The following ZNF277 variants were observed in gnomAD, a reference collection of about 807,000 sequenced individuals.
ZNF277 encodes the protein zinc finger protein 277.
A neutral mutation model predicts 60.7 loss-of-function variants in ZNF277; 55 were observed. That is an observed-to-expected ratio of 0.91 (90% confidence interval 0.73 to 1.13). The LOEUF is 1.13. Among genes scored for constraint, ZNF277 ranks in the 50% most tolerant of loss-of-function variants. ZNF277 has a pLI of 0.00. For missense variants in ZNF277, 510 were observed against 523.0 expected (o/e 0.98, Z 0.24); for synonymous variants, 178 against 179.3 (o/e 0.99, Z 0.06).
chr7:112,217,124 G>T (rs548414658), intron 1 of ZNF277, among the ~76,000 whole-genome samples: 56 of 152,318 alleles, frequency 3.7e-4, no homozygotes, highest in African/African-American at 1.3e-3. Flanking sequence ...AGGATCTTAT[G>T]ACCTAATAGG....
chr7:112,242,959 C>G (rs975504416), intron 1 of ZNF277, among the ~76,000 whole-genome samples: 1 of 151,952 alleles, frequency 6.6e-6, no homozygotes, highest in Non-Finnish European at 1.5e-5. Flanking sequence ...AAGAATGGTA[C>G]TGGTATAAAA....
At chr7:112,325,968 A>G (rs1793083044) in intron 5 of ZNF277, among the ~76,000 whole-genome samples, 1 of 152,138 alleles carries the variant, frequency 6.6e-6, no homozygotes, top group African/African-American at 2.4e-5. Flanking sequence ...AGACTGGCCA[A>G]GCCTCCAAAC....
intron 1 of ZNF277, among the ~76,000 whole-genome samples, chr7:112,246,646 G>C (rs563611851): frequency 2.4e-4 from 37 of 152,278 alleles, no homozygotes; most frequent in African/African-American, 8.2e-4. Context: ...AGCATGGTGA[G>C]TTTGGAGTCT....
At chr7:112,253,426 A>G (rs1241064683) in intron 1 of ZNF277, among the ~76,000 whole-genome samples, 1 of 152,166 alleles carries the variant, frequency 6.6e-6, no homozygotes, top group African/African-American at 2.4e-5. Flanking sequence ...TTCTAACGAT[A>G]CTTGCTACCC....
At chr7:112,259,424 G>A (rs1217341625) in intron 1 of ZNF277, among the ~76,000 whole-genome samples, 3 of 152,184 alleles carry the variant, frequency 2.0e-5, no homozygotes, top group African/African-American at 7.2e-5. Context: ...GTAGTAGAGT[G>A]CCACGACCCC....
chr7:112,208,136 GGAGGCC>G (rs1203600647), intron 1 of ZNF277, among the ~76,000 whole-genome samples: 5 of 152,186 alleles, frequency 3.3e-5, no homozygotes, highest in Admixed American at 6.5e-5. Context: ...CAGCACTTTG[GGAGGCC>G]GAGGCGAGTG....
At chr7:112,210,230 A>T (rs1375615101) in intron 1 of ZNF277, among the ~76,000 whole-genome samples, 1 of 152,144 alleles carries the variant, frequency 6.6e-6, no homozygotes, top group African/African-American at 2.4e-5. Context: ...TGCTCTGATT[A>T]AAATGTTAGT....
At chr7:112,307,734 T>C (rs1792634333) in intron 4 of ZNF277, among the ~76,000 whole-genome samples, 1 of 151,928 alleles carries the variant, frequency 6.6e-6, no homozygotes, top group Non-Finnish European at 1.5e-5. Context: ...CTTGTATCTA[T>C]CTCCTAAGCA....
intron 4 of ZNF277, among the ~76,000 whole-genome samples, chr7:112,315,531 C>T (rs1792824974): frequency 1.3e-5 from 2 of 152,036 alleles, no homozygotes; most frequent in African/African-American, 4.8e-5. Context: ...GCAAAGTGAT[C>T]CTGAAAGTAA....
In ZNF277 at chr7:112,296,924, T is replaced by TTTA. The variant is rs1792363487; in HGVS notation, c.465+615_465+616insATT. Among the ~76,000 whole-genome samples the TTTA allele has an allele frequency of 1.2e-4, 6 of 50,790 alleles. No individual in the cohort carries two copies. The South Asian group carries it at 3.9e-3, about 33-fold the overall frequency. 33.3% of individuals were successfully genotyped at this position (50,790 alleles called of 152,430 possible). On this transcript the variant is annotated intron_variant, in intron 4 of 11. Transcript: ENST00000361822. ...TATTTATTTATTTATTTTTTTTTTT[T>TTTA]TTTTTTTTTTTTTTTTTTTTTGAGA...
At chr7:112,272,683 G>A (rs139244147) in intron 1 of ZNF277, among the ~76,000 whole-genome samples, 7,226 of 152,046 alleles carry the variant, frequency 0.048, 245 homozygotes, top group East Asian at 0.14. Flanking sequence ...TAGTAGTGAC[G>A]GGGTTTCACC....
intron 1 of ZNF277, among the ~76,000 whole-genome samples, chr7:112,277,884 G>C (rs1237026720): frequency 6.6e-6 from 1 of 152,106 alleles, no homozygotes; most frequent in African/African-American, 2.4e-5. Context: ...CAAATCTATT[G>C]CTAAAACATA....
intron 1 of ZNF277, among the ~76,000 whole-genome samples, chr7:112,231,356 A>G (rs1004948418): frequency 6.6e-5 from 10 of 152,232 alleles, no homozygotes; most frequent in South Asian, 2.1e-4. Context: ...GTTTGTCACT[A>G]TAATTTTTCT....
At chr7:112,311,072 T>G (rs963548985) in intron 4 of ZNF277, among the ~76,000 whole-genome samples, 5 of 152,150 alleles carry the variant, frequency 3.3e-5, no homozygotes, top group Non-Finnish European at 5.9e-5. Context: ...CTTACCTAAA[T>G]AAACATTTTT....
intron 1 of ZNF277, among the ~76,000 whole-genome samples, chr7:112,281,274 A>G (rs1791937924): frequency 6.6e-6 from 1 of 152,214 alleles, no homozygotes; most frequent in Admixed American, 6.5e-5. Context: ...TCTTGAAGTC[A>G]GTATTTTTTA....
chr7:112,305,771 A>G (rs1263836147), intron 4 of ZNF277, among the ~76,000 whole-genome samples: 2 of 152,064 alleles, frequency 1.3e-5, no homozygotes, highest in African/African-American at 4.8e-5. Context: ...CCTCTTTTTA[A>G]TTACCGATGA....
chr7:112,306,861 G>C (rs1792608525), intron 4 of ZNF277, among the ~76,000 whole-genome samples: 2 of 152,020 alleles, frequency 1.3e-5, no homozygotes, highest in South Asian at 4.2e-4. Context: ...TGCAGAACTT[G>C]CTTGGCAAAC....
chr7:112,213,687 C>T (rs540380848), intron 1 of ZNF277, among the ~76,000 whole-genome samples: 51 of 152,268 alleles, frequency 3.3e-4, no homozygotes, highest in South Asian at 8.3e-4. Flanking sequence ...GACTTTTATC[C>T]TATGCACGGT....
intron 1 of ZNF277, among the ~76,000 whole-genome samples, chr7:112,214,029 G>T (rs1821819570): frequency 6.6e-6 from 1 of 152,136 alleles, no homozygotes; most frequent in Non-Finnish European, 1.5e-5. Context: ...TGATACAAGT[G>T]GTTTTAATAT....
Sources: gnomAD v4.1 joint callset for allele counts (sites outside exome capture counted in the v4.1 genomes callset) on GRCh38, gnomAD v4.1.1 for gene constraint, MANE v1.5 for transcripts, NCBI Gene and HGNC (gene_info 2026-07-23, HGNC 2026-07-21) for gene names.